GRAMD4: variants seen among roughly 807,000 people sequenced by gnomAD.
The protein encoded by GRAMD4 is GRAM domain-containing protein 4.
Under a neutral mutation model 83.9 loss-of-function variants are expected in GRAMD4, and 25 were observed. That is an observed-to-expected ratio of 0.30 (90% CI 0.22 to 0.42). The LOEUF (loss-of-function observed/expected upper bound fraction) is 0.42, where lower values mean the gene tolerates loss of function less well. GRAMD4 is among the 10% of genes least tolerant of loss of function. GRAMD4 has a pLI of 1.00. For synonymous variants in GRAMD4, 336 were observed against 320.9 expected (o/e 1.05, Z -0.50); for missense variants, 593 against 788.7 (o/e 0.75, Z 2.97).
Position 46,673,720 on chromosome 22 carries a change from G to T in GRAMD4, c.1290G>T (p.Leu430=), listed in dbSNP as rs1022638949. The change falls in exon 15 of 19, where the codon CTG becomes CTT. Residue 430 remains leucine (L), a synonymous_variant. Transcript: ENST00000406902. The part of the protein sequence containing the change: ...RSYVPSAPAG[L]GKEEDAGRFH... ...ACGTACCCAGCGCACCGGCCGGCCT[G>T]GGTAAAGAGGAGGACGCCGGTCGCT... The T allele has an allele frequency of 3.1e-6, 5 of 1,612,900 alleles. No individual in the cohort carries two copies. Among genetic ancestry groups the T allele is most frequent in the South Asian group, 1.1e-5 (1 of 91,088 alleles).
intron 3 of GRAMD4, among the ~76,000 whole-genome samples, chr22:46,643,591 G>A (rs994300514): frequency 7.9e-5 from 12 of 152,312 alleles, no homozygotes; most frequent in Admixed American, 7.8e-4. Flanking sequence ...TGTAGCAAAA[G>A]ACAGTTCTGA....
chr22:46,608,002 GT>G (rs2081382049), intron 1 of GRAMD4, among the ~76,000 whole-genome samples: 1 of 152,230 alleles, frequency 6.6e-6, no homozygotes, highest in Non-Finnish European at 1.5e-5. Flanking sequence ...AGCTCCATGG[GT>G]TTGTTGGCCT....
At chr22:46,614,743 CAT>C (rs1478378621) in intron 1 of GRAMD4, among the ~76,000 whole-genome samples, 1 of 152,222 alleles carries the variant, frequency 6.6e-6, no homozygotes, top group African/African-American at 2.4e-5. Context: ...AAACATAGGA[CAT>C]GTGCCTGTGC....
At chr22:46,614,602 C>T (rs1444542319) in intron 1 of GRAMD4, among the ~76,000 whole-genome samples, 2 of 152,210 alleles carry the variant, frequency 1.3e-5, no homozygotes, top group Non-Finnish European at 2.9e-5. Context: ...CTGCCAGGGG[C>T]CAACCGTGGA....
intron 1 of GRAMD4, among the ~76,000 whole-genome samples, chr22:46,601,657 A>G (rs529136727): frequency 1.1e-4 from 17 of 152,156 alleles, no homozygotes; most frequent in African/African-American, 3.6e-4. Flanking sequence ...TTAGCCAGAC[A>G]TGTTGGCATG....
chr22:46,638,109 G>A (rs935408539), intron 3 of GRAMD4, 149 bp downstream of exon 3: 11 of 823,700 alleles, frequency 1.3e-5, no homozygotes, highest in East Asian at 2.6e-5. Flanking sequence ...CTGTGGCTCC[G>A]ACGTGGCCCT....
At chr22:46,576,569 C>G (rs914156053), upstream of GRAMD4, among the ~76,000 whole-genome samples, 5 of 152,228 alleles carry the variant, frequency 3.3e-5, no homozygotes, top group Non-Finnish European at 4.4e-5. Flanking sequence ...GATGGGCGCG[C>G]CAGGTACTGC....
At position 46,606,506 on chromosome 22, in the gene GRAMD4, T is replaced by C. The variant is rs113495207; in HGVS notation, c.-49-20245T>C. ...GAGCATGTCTGCATGGGCCTATGGC[T>C]GGTGCTGAGCATCTCTGCATGGGTT... On this transcript the variant is annotated intron_variant, in intron 1 of 1. Transcript: ENST00000431155. 9.0e-3 allele frequency among the ~76,000 whole-genome samples: 149 copies of C among 16,614 alleles called. 17 individuals carry two copies. Among genetic ancestry groups the C allele is most frequent in the East Asian group, 0.2 (2 of 10 alleles). The allele number at this position is 16,614 out of a possible 152,430, so 10.9% of individuals were successfully genotyped here. A position where few individuals can be genotyped will look rare whatever the true frequency, so the allele number is the denominator to read the frequency against.
At chr22:46,635,619 G>A (rs866041445) in intron 2 of GRAMD4, among the ~76,000 whole-genome samples, 86 of 88,510 alleles carry the variant, frequency 9.7e-4, no homozygotes, top group Non-Finnish European at 1.5e-3. Context: ...CCCGCCCCCG[G>A]CCACTCCTGT....
intron 1 of GRAMD4, among the ~76,000 whole-genome samples, chr22:46,599,709 C>T (rs1406635517): frequency 6.6e-6 from 1 of 152,178 alleles, no homozygotes; most frequent in Non-Finnish European, 1.5e-5. Context: ...GCTCCATTCT[C>T]TGAAATGAGC....
rs1392016376 is a variant in GRAMD4, at chr22:46,621,081, G to C, written c.-50+516G>C. ...TGGGCTTCCTCCAGGGACCGTGGAGGGGGTGGGGATGGGCAGCTAGAAGTG... is the reference window on the plus strand; with the variant it reads ...TGGGCTTCCTCCAGGGACCGTGGAGCGGGTGGGGATGGGCAGCTAGAAGTG... On this transcript the variant is annotated intron_variant, in intron 1 of 18. Transcript: ENST00000406902. This position sits in a 1 kb window ranked among gnomAD's most constrained non-coding sequence, Gnocchi z 5.8. Among the ~76,000 whole-genome samples the C allele has an allele frequency of 1.3e-5, 2 of 152,098 alleles. No homozygotes were observed. The highest frequency in any genetic ancestry group is 1.3e-4 in the Admixed American group (2 of 15,288).
exon 1 of GRAMD4, chr22:46,577,258 G>A: frequency 1.0e-6 from 1 of 978,704 alleles, no homozygotes; most frequent in Non-Finnish European, 1.2e-6. Context: ...GCCGCGGCGG[G>A]TGGATGAGAG....
intron 2 of GRAMD4, among the ~76,000 whole-genome samples, chr22:46,634,126 G>A (rs1006473076): frequency 6.6e-6 from 1 of 152,216 alleles, no homozygotes; most frequent in Admixed American, 6.5e-5. Flanking sequence ...TTTGGAAAAT[G>A]CCTCTTGAAG....
At chr22:46,612,988 G>A (rs1248515293) in intron 1 of GRAMD4, among the ~76,000 whole-genome samples, 3 of 152,334 alleles carry the variant, frequency 2.0e-5, no homozygotes, top group South Asian at 2.1e-4. Context: ...GTCCCTGCTC[G>A]GGAGCTCGTA....
chr22:46,614,997 G>C (rs2081460815), intron 1 of GRAMD4, among the ~76,000 whole-genome samples: 1 of 127,968 alleles, frequency 7.8e-6, no homozygotes, highest in African/African-American at 3.0e-5. Context: ...AGGTTCCCCC[G>C]TGTGTAGGTT....
At chr22:46,627,157 T>G (rs2081676564) in intron 2 of GRAMD4, among the ~76,000 whole-genome samples, 196 bp downstream of exon 2, 1 of 152,212 alleles carries the variant, frequency 6.6e-6, no homozygotes. Flanking sequence ...CCGAGCCTTC[T>G]GTGTTCGCAG....
chr22:46,626,958 C>A lies in GRAMD4; in HGVS notation c.159C>A (p.Asp53Glu), dbSNP rs1487348535. Reference protein sequence around the residue: ...TSPRDSEELRDPAGPGTLIMA... With the variant: ...TSPRDSEELREPAGPGTLIMA... ...CCCGGGACAGCGAGGAGCTGAGGGA[C>A]CCTGTGAGTACCTGTCCTCGTCCCC... The change falls in exon 2 of 19, where the codon GAC becomes GAA. Residue 53 changes from aspartate (D) to glutamate (E), a missense_variant. This residue lies in a region of GRAMD4 where 312 missense variants were observed against 350.7 expected (regional missense o/e 0.89). Transcript: ENST00000406902. 1 of 1,610,144 alleles carries A rather than the reference C, an allele frequency of 6.2e-7. No individual in the cohort carries two copies. The highest frequency in any genetic ancestry group is 1.3e-5 in the African/African-American group (1 of 74,970).
At chr22:46,598,170 C>G (rs2081280568) in intron 1 of GRAMD4, among the ~76,000 whole-genome samples, 1 of 151,960 alleles carries the variant, frequency 6.6e-6, no homozygotes, top group African/African-American at 2.4e-5. Flanking sequence ...TTAGTAGAGA[C>G]AGGGTTTCTC....
rs570205833 is a variant in GRAMD4 at position 46,601,455 on chromosome 22, G to T, written c.-50+24165G>T. Among the ~76,000 whole-genome samples, 9 of 151,896 alleles carry T rather than the reference G, an allele frequency of 5.9e-5. No homozygotes were observed. The East Asian group carries it at 1.7e-3, about 29-fold the overall frequency. On this transcript the variant is annotated intron_variant, in intron 1 of 1. Coordinates refer to the GRAMD4 transcript ENST00000431155. The stretch of plus-strand genomic sequence containing the variant: ...TGCCATGTGAATTAGGGTGTTTTGG[G>T]TTTTTTGTTTTTATTTTAATTTTTA...
Sources: allele counts gnomAD v4.1 joint callset (sites outside exome capture counted in the v4.1 genomes callset), GRCh38; gene constraint gnomAD v4.1.1; regional missense constraint gnomAD v4.1.1; non-coding constraint Gnocchi (gnomAD v3.1); transcripts MANE v1.5; gene names NCBI Gene and HGNC (gene_info 2026-07-23, HGNC 2026-07-21).